The following CCDC171 variants were observed in gnomAD, a reference collection of about 807,000 sequenced individuals.
The protein encoded by CCDC171 is coiled-coil domain containing 171.
CCDC171 carries 177 observed loss-of-function variants against 168.2 expected under a neutral mutation model. The ratio of observed to expected loss-of-function variants is 1.05; its 90% CI spans 0.93 to 1.19. The LOEUF is 1.19. CCDC171 is among the 50% of genes most tolerant of loss of function. CCDC171 has a pLI of 0.00. For missense variants in CCDC171, 1,991 were observed against 1,539.0 expected, an observed-to-expected ratio of 1.29 and a Z score of -4.91; for synonymous variants, 687 against 540.8, an observed-to-expected ratio of 1.27 and a Z score of -3.75.
intron 25 of CCDC171, among the ~76,000 whole-genome samples, chr9:15,925,499 G>T (rs192829619): frequency 6.6e-6 from 1 of 151,646 alleles, no homozygotes; most frequent in Admixed American, 6.6e-5. Context: ...TTTCCTAAGA[G>T]CAAAGGAAAA....
chr9:15,784,617 C>T lies in CCDC171; in HGVS notation c.3190C>T (p.Gln1064Ter), dbSNP rs758004798. 4.3e-6 allele frequency: 7 copies of T among 1,613,140 alleles called. No individual in the cohort carries two copies. The highest frequency in any genetic ancestry group is 5.1e-6 in the Non-Finnish European group (6 of 1,179,462). ...ATTGAATGAACAGGCACAACAACTA[C>T]AGGAATTGAATTATAAACTTGAATT... Reference protein sequence around the residue: ...MLLNEQAQQLQELNYKLELHS... With the variant: ...MLLNEQAQQL The change falls in exon 21 of 26, where the codon CAG (glutamine) becomes TAG (stop). Residue 1064 changes from glutamine to a stop codon, truncating the protein, a stop_gained. Coordinates refer to ENST00000380701, the MANE Select transcript of CCDC171 (RefSeq NM_173550.4). LOFTEE classifies it high-confidence loss of function.
the CCDC171 span, among the ~76,000 whole-genome samples, chr9:16,070,413 A>C: frequency 6.6e-6 from 1 of 152,230 alleles, no homozygotes; most frequent in Non-Finnish European, 1.5e-5. Context: ...GGGGACATCC[A>C]GCCAGGGAGG....
the CCDC171 span, among the ~76,000 whole-genome samples, chr9:16,095,955 T>C: frequency 6.7e-6 from 1 of 149,890 alleles, no homozygotes; most frequent in Non-Finnish European, 1.5e-5. Flanking sequence ...TAATATCTAG[T>C]GCTTAGTAGG....
the CCDC171 span, among the ~76,000 whole-genome samples, chr9:16,079,968 G>A: frequency 0.1 from 15,152 of 152,164 alleles, 2,416 homozygotes; most frequent in African/African-American, 0.34. Context: ...AAGTTATCAT[G>A]TCACTGTGTG....
the CCDC171 span, among the ~76,000 whole-genome samples, chr9:16,068,754 C>CATACGATGTCTTCTGCCAGA: frequency 7.9e-6 from 1 of 126,328 alleles, no homozygotes; most frequent in Admixed American, 7.5e-5. Flanking sequence ...AACCTGGGGT[C>CATACGATGTCTTCTGCCAGA]ATACGATGTA....
chr9:15,661,296 A>AAAAAAC (rs1564160074), intron 8 of CCDC171, among the ~76,000 whole-genome samples: 20 of 141,538 alleles, frequency 1.4e-4, no homozygotes, highest in South Asian at 2.2e-4. Flanking sequence ...AAAAAAAAAA[A>AAAAAAC]AAAAGTAACA....
At position 15,744,408 on chromosome 9, in the gene CCDC171, G is replaced by A. The variant is rs746749844; in HGVS notation, c.2185G>A (p.Ala729Thr). 14 of 1,614,012 alleles carry A rather than the reference G, an allele frequency of 8.7e-6. No homozygotes were observed. The South Asian group carries it at 1.4e-4, about 16-fold the overall frequency. The stretch of plus-strand genomic sequence containing the variant: ...TCAAAGGGAACAGATGTCCTTGCTG[G>A]CAGCCTGTGCATTAATGGCTGGTGC... Reference protein sequence around the residue: ...QTQREQMSLLAACALMAGALY... With the variant: ...QTQREQMSLLTACALMAGALY... Residue 729 changes from alanine (A) to threonine (T), a missense_variant, in exon 17 of 26, where the codon GCA becomes ACA. Transcript: ENST00000380701.
At chr9:15,842,124 G>C (rs1486871727) in intron 21 of CCDC171, among the ~76,000 whole-genome samples, 1 of 151,828 alleles carries the variant, frequency 6.6e-6, no homozygotes, top group Admixed American at 6.6e-5. Context: ...CACTTGTGTT[G>C]TCTTGCCTTT....
chr9:15,908,115 G>T (rs1822999457), intron 24 of CCDC171, among the ~76,000 whole-genome samples: 1 of 151,384 alleles, frequency 6.6e-6, no homozygotes. Flanking sequence ...CAGGGATCTA[G>T]AACTAGAAAT....
At chr9:15,968,459 A>T (rs570603980) in intron 25 of CCDC171, among the ~76,000 whole-genome samples, 3 of 152,156 alleles carry the variant, frequency 2.0e-5, no homozygotes, top group South Asian at 4.2e-4. Flanking sequence ...GGATATTTAT[A>T]ACAAGAAAAA....
At chr9:15,899,301 T>G (rs2131608890) in intron 24 of CCDC171, among the ~76,000 whole-genome samples, 1 of 152,336 alleles carries the variant, frequency 6.6e-6, no homozygotes, top group African/African-American at 2.4e-5. Context: ...ATTGAACATT[T>G]TTATGCAAGT....
intron 3 of CCDC171, among the ~76,000 whole-genome samples, chr9:15,576,062 A>G (rs1334191677): frequency 1.3e-5 from 2 of 151,020 alleles, no homozygotes; most frequent in Middle Eastern, 6.3e-3. Flanking sequence ...ACTGTACTCC[A>G]GCTTCGGCAA....
intron 18 of CCDC171, among the ~76,000 whole-genome samples, chr9:15,773,495 A>T (rs1334262705): frequency 1.3e-5 from 2 of 152,204 alleles, no homozygotes; most frequent in Non-Finnish European, 2.9e-5. Context: ...TAATTTCAGA[A>T]TATAGGGTTC....
chr9:15,817,218 G>A (rs1470797075), intron 21 of CCDC171, among the ~76,000 whole-genome samples: 1 of 117,858 alleles, frequency 8.5e-6, no homozygotes, highest in East Asian at 2.1e-4. Flanking sequence ...GTGGGGTGGA[G>A]CCAAGATGGC....
At chr9:15,602,594 C>G (rs2042933700) in intron 6 of CCDC171, among the ~76,000 whole-genome samples, 3 of 42,734 alleles carry the variant, frequency 7.0e-5, no homozygotes, top group African/African-American at 2.3e-4. Flanking sequence ...TGGTGTTACC[C>G]AAAAAGTTAC....
At chr9:15,988,769 C>G (rs979074476) in intron 3 of CCDC171, among the ~76,000 whole-genome samples, 1 of 152,206 alleles carries the variant, frequency 6.6e-6, no homozygotes, top group Non-Finnish European at 1.5e-5. Context: ...AAACAGCACA[C>G]TAGGAGATTA....
chr9:15,937,064 T>G (rs765225877), intron 25 of CCDC171, among the ~76,000 whole-genome samples: 12 of 152,108 alleles, frequency 7.9e-5, no homozygotes, highest in Non-Finnish European at 1.6e-4. Context: ...TTTTGAATAG[T>G]ATTTTTAAAG....
At chr9:15,980,653 G>A (rs373124685) in intron 3 of CCDC171, among the ~76,000 whole-genome samples, 9 of 151,878 alleles carry the variant, frequency 5.9e-5, no homozygotes, top group Admixed American at 4.6e-4. Context: ...AAGGTCCTTG[G>A]CATTTGTCTA....
chr9:16,067,064 T>G, the CCDC171 span, among the ~76,000 whole-genome samples: 1 of 151,998 alleles, frequency 6.6e-6, no homozygotes. Context: ...TTGAACTAGT[T>G]TACAGTCCCA....
Sources: gnomAD v4.1 joint callset for allele counts (sites outside exome capture counted in the v4.1 genomes callset) on GRCh38, gnomAD v4.1.1 for gene constraint, MANE v1.5 for transcripts, NCBI Gene and HGNC (gene_info 2026-07-23, HGNC 2026-07-21) for gene names.